Variants in URI1 observed in about 807,000 individuals in gnomAD.
URI1 encodes the protein unconventional prefoldin RPB5 interactor 1.
In URI1, 39 loss-of-function variants were observed where a neutral mutation model predicts 60.2. The ratio of observed to expected loss-of-function variants is 0.65; its 90% CI spans 0.50 to 0.85. The LOEUF (loss-of-function observed/expected upper bound fraction) is 0.85. Ranked by LOEUF, URI1 falls within the 40% of genes least tolerant of loss-of-function variation. URI1 has a pLI of 0.00. For synonymous variants in URI1, 251 were observed against 236.8 expected, an observed-to-expected ratio of 1.06 and a Z score of -0.55; for missense variants, 691 against 665.9, an observed-to-expected ratio of 1.04 and a Z score of -0.42.
intron 8 of URI1, 25 bp downstream of exon 8, chr19:30,009,378 A>C: frequency 6.4e-7 from 1 of 1,567,058 alleles, no homozygotes; most frequent in Non-Finnish European, 8.7e-7. Context: ...AACTTTACTA[A>C]TTTTGCATAT....
At chr19:29,970,797 A>G (rs1466982524) in intron 1 of URI1, among the ~76,000 whole-genome samples, 1 of 152,128 alleles carries the variant, frequency 6.6e-6, no homozygotes, top group African/African-American at 2.4e-5. Flanking sequence ...ATTTTTTTTA[A>G]CTGACGAAAC....
At chr19:29,941,479 G>T (rs2055023143), upstream of URI1, among the ~76,000 whole-genome samples, 1 of 152,090 alleles carries the variant, frequency 6.6e-6, no homozygotes, top group Admixed American at 6.5e-5. Context: ...AAATTAACAG[G>T]ATGTGTTGGT....
chr19:29,974,205 T>A (rs1464503050), intron 2 of URI1, among the ~76,000 whole-genome samples: 1 of 152,024 alleles, frequency 6.6e-6, no homozygotes, highest in Non-Finnish European at 1.5e-5. Context: ...GTAGTGAAGA[T>A]CAAATGAGAT....
rs1465140994 is a variant in URI1, at chr19:30,016,602, A to T, written c.*1533A>T. The T allele has an allele frequency of 6.6e-6, 1 of 152,070 alleles. No individual in the cohort carries two copies. The highest frequency in any genetic ancestry group is 2.4e-5 in the African/African-American group (1 of 41,450). The allele number at this position is 152,070 out of a possible 1,614,324, so 9.4% of individuals were successfully genotyped here. A position where few individuals can be genotyped will look rare whatever the true frequency, so the allele number is the denominator to read the frequency against. On this transcript the variant is annotated 3_prime_UTR_variant, in exon 11 of 11. Coordinates refer to ENST00000392271, the MANE Select transcript of URI1 (RefSeq NM_003796.3). Reference sequence around the variant, plus strand: ...GATGCGTGTCATTAAATAATTTTTCATGTTCACAGACTTGATTTTGAGCCT... The same window carrying T: ...GATGCGTGTCATTAAATAATTTTTCTTGTTCACAGACTTGATTTTGAGCCT...
intron 4 of URI1, among the ~76,000 whole-genome samples, chr19:29,994,230 T>C (rs188159495): frequency 1.3e-5 from 2 of 152,286 alleles, no homozygotes; most frequent in Admixed American, 6.5e-5. Context: ...CAAACTTGTT[T>C]TGAAACTGAT....
At chr19:30,006,953 G>A (rs765567005) in intron 6 of URI1, among the ~76,000 whole-genome samples, 9 of 152,040 alleles carry the variant, frequency 5.9e-5, no homozygotes, top group Non-Finnish European at 1.2e-4. Flanking sequence ...ATGAGCCGCC[G>A]TTGTTTCCTT....
At chr19:30,011,065 A>C (rs753972979) in intron 8 of URI1, 29 bp from the exon 9 acceptor site, 1 of 1,592,544 alleles carries the variant, frequency 6.3e-7, no homozygotes, top group Admixed American at 1.8e-5. Context: ...TTGTCAAAAG[A>C]TTCTTAATTT....
upstream of URI1, among the ~76,000 whole-genome samples, chr19:29,939,852 T>A (rs1157489445): frequency 6.6e-6 from 1 of 151,664 alleles, no homozygotes; most frequent in African/African-American, 2.4e-5. Flanking sequence ...TTGGCTTGAG[T>A]GGTAGGGGGC....
In URI1 at chr19:30,007,653, AT is replaced by A. The variant is rs1378410086; in HGVS notation, c.686+17del. On this transcript the variant is annotated intron_variant, in intron 7 of 10. Transcript: ENST00000392271. Reference sequence around the variant, plus strand: ...GAACTTGATAGGTACTTGATGACAAATTATCTTTCCAAGATAATTTGTTTCT... The same window carrying A: ...GAACTTGATAGGTACTTGATGACAAATATCTTTCCAAGATAATTTGTTTCT... The A allele has an allele frequency of 6.4e-7, 1 of 1,564,512 alleles. No homozygotes were observed. The highest frequency in any genetic ancestry group is 2.3e-5 in the East Asian group (1 of 43,880).
intron 9 of URI1, among the ~76,000 whole-genome samples, chr19:30,011,617 AG>A (rs2056020934): frequency 1.4e-5 from 2 of 146,642 alleles, no homozygotes; most frequent in African/African-American, 2.6e-5. Flanking sequence ...ATACTGTTGC[AG>A]GTTTTTTTTT....
intron 1 of URI1, among the ~76,000 whole-genome samples, chr19:29,958,913 T>G (rs1713785982): frequency 6.6e-6 from 1 of 151,356 alleles, no homozygotes; most frequent in South Asian, 2.1e-4. Context: ...TGAGTTGAGA[T>G]CACGCCACTG....
intron 1 of URI1, among the ~76,000 whole-genome samples, chr19:29,961,466 C>T (rs1015108463): frequency 6.6e-6 from 1 of 151,934 alleles, no homozygotes; most frequent in Non-Finnish European, 1.5e-5. Flanking sequence ...GGTTCGTCCA[C>T]GTTGTGGCAC....
chr19:29,957,832 G>T (rs1183027067), intron 1 of URI1: 4 of 147,834 alleles, frequency 2.7e-5, no homozygotes, highest in African/African-American at 9.9e-5. Flanking sequence ...AAATCTTCAT[G>T]TGTTAGATTT....
intron 10 of URI1, 91 bp downstream of exon 10, chr19:30,012,622 A>G: frequency 6.9e-7 from 1 of 1,459,666 alleles, no homozygotes; most frequent in Non-Finnish European, 9.1e-7. Flanking sequence ...GATTAAATTA[A>G]TTCTAGGTTT....
chr19:29,947,181 T>C (rs335034), intron 1 of URI1, among the ~76,000 whole-genome samples: 3,804 of 152,324 alleles, frequency 0.025, 170 homozygotes, highest in African/African-American at 0.087. Flanking sequence ...TTGGTTTTCA[T>C]ATTTGTGAGA....
intron 1 of URI1, among the ~76,000 whole-genome samples, chr19:29,953,273 CA>C (rs1375728774): frequency 6.6e-6 from 1 of 152,034 alleles, no homozygotes; most frequent in Non-Finnish European, 1.5e-5. Flanking sequence ...TTTTTGGTTA[CA>C]ATGGCCACAT....
chr19:30,015,555 A>G lies in URI1; in HGVS notation c.*486A>G, dbSNP rs2056075837. The G allele has an allele frequency of 1.3e-6, 2 of 1,535,328 alleles. No individual in the cohort carries two copies. The highest frequency in any genetic ancestry group is 2.7e-5 in the African/African-American group (2 of 73,154). Reference sequence around the variant, plus strand: ...TTGTAGGTTTTGCGGCTAGTTGGCTATTCAAGAAACCTCGCCCCTCTGAAT... The same window carrying G: ...TTGTAGGTTTTGCGGCTAGTTGGCTGTTCAAGAAACCTCGCCCCTCTGAAT... On this transcript the variant is annotated 3_prime_UTR_variant, in exon 11 of 11. Transcript: ENST00000392271.
chr19:30,001,094 A>C (rs956474339), intron 4 of URI1, among the ~76,000 whole-genome samples: 2 of 151,308 alleles, frequency 1.3e-5, no homozygotes, highest in African/African-American at 4.8e-5. Context: ...TCATCTTTAA[A>C]CATTTCCTCC....
chr19:29,964,858 T>G (rs1404359337), intron 1 of URI1, among the ~76,000 whole-genome samples: 3 of 151,744 alleles, frequency 2.0e-5, no homozygotes, highest in Non-Finnish European at 4.4e-5. Context: ...TTTTCCTGTT[T>G]TTTTTTTTTT....
Sources: allele counts gnomAD v4.1 joint callset (sites outside exome capture counted in the v4.1 genomes callset), GRCh38; gene constraint gnomAD v4.1.1; transcripts MANE v1.5; gene names NCBI Gene and HGNC (gene_info 2026-07-23, HGNC 2026-07-21).